Variants in LCK observed in about 807,000 individuals in gnomAD.
LCK encodes the protein tyrosine-protein kinase Lck.
A neutral mutation model predicts 64.6 loss-of-function variants in LCK; 14 were observed. The observed-to-expected ratio is 0.22, with a 90% CI of 0.14 to 0.34. The LOEUF (loss-of-function observed/expected upper bound fraction) is 0.34. LCK is among the 10% of genes least tolerant of loss of function. The pLI is 1.00. For missense variants in LCK, 434 were observed against 668.1 expected (o/e 0.65, Z 3.86); for synonymous variants, 277 against 263.6 (o/e 1.05, Z -0.49).
At chr1:32,271,111 T>C (rs1027726775) in intron 1 of LCK, among the ~76,000 whole-genome samples, 3 of 149,418 alleles carry the variant, frequency 2.0e-5, no homozygotes, top group Non-Finnish European at 4.5e-5. Flanking sequence ...AGTGATCTTT[T>C]TGCCTCAGCC....
chr1:32,281,456 T>A (rs1569972446), intron 12 of LCK, among the ~76,000 whole-genome samples: 1 of 131,916 alleles, frequency 7.6e-6, no homozygotes. Flanking sequence ...AGAGAATTTG[T>A]CTCAAAAAAA....
intron 1 of LCK, among the ~76,000 whole-genome samples, chr1:32,252,974 T>A (rs1639544090): frequency 6.6e-6 from 1 of 152,092 alleles, no homozygotes; most frequent in African/African-American, 2.4e-5. Context: ...AATGTGCATT[T>A]CAGAGACAGG....
At chr1:32,282,762 C>T (rs903826745) in intron 12 of LCK, among the ~76,000 whole-genome samples, 2 of 151,756 alleles carry the variant, frequency 1.3e-5, no homozygotes, top group African/African-American at 4.8e-5. Flanking sequence ...GCCATGATCA[C>T]GCTGTTGCAC....
chr1:32,279,614 G>C (rs569757901), intron 9 of LCK, 57 bp from the exon 10 acceptor site: 2 of 1,613,682 alleles, frequency 1.2e-6, no homozygotes, highest in Admixed American at 1.7e-5. Context: ...GAGGAGAAAG[G>C]TCTGGGGGCC....
rs1640299095 is a variant in LCK, at chr1:32,276,986, C to A, written c.964+200C>A. On this transcript the variant is annotated intron_variant, in intron 9 of 12. Coordinates refer to ENST00000336890, the MANE Select transcript of LCK (RefSeq NM_005356.5). The surrounding 1 kb of genome is among the most constrained non-coding windows in gnomAD (Gnocchi z 4.6). Reference sequence around the variant, plus strand: ...CCAGCACTTTGGGAGCCGAGGCGGGCAGATCACGAGGTCAGGAGTTCGAGA... The same window carrying A: ...CCAGCACTTTGGGAGCCGAGGCGGGAAGATCACGAGGTCAGGAGTTCGAGA... The A allele has an allele frequency of 6.7e-6, 3 of 448,394 alleles. No individual in the cohort carries two copies. The East Asian group carries it at 1.2e-4, about 18-fold the overall frequency. The allele number at this position is 448,394 out of a possible 1,614,324, so 27.8% of individuals were successfully genotyped here. A position where few individuals can be genotyped will look rare whatever the true frequency, so the allele number is the denominator to read the frequency against.
rs72025731 is a variant in LCK at position 32,253,850 on chromosome 1, G to GACACAC, written c.-6+2499_-6+2504dup. Among the ~76,000 whole-genome samples, 270 of 148,658 alleles carry GACACAC rather than the reference G, an allele frequency of 1.8e-3. 1 individual carries two copies. Among genetic ancestry groups the GACACAC allele is most frequent in the East Asian group, 5.0e-3 (25 of 5,038 alleles). On this transcript the variant is annotated intron_variant, in intron 1 of 12. Transcript: ENST00000336890. ...AGGGTCTCTCACGCAGCCACACACAGACACACACACACACACACACACACA... is the reference window on the plus strand; with the variant it reads ...AGGGTCTCTCACGCAGCCACACACAGACACACACACACACACACACACACACACACA...
intron 9 of LCK, among the ~76,000 whole-genome samples, chr1:32,279,217 TG>T (rs1640374646): frequency 6.6e-6 from 1 of 152,100 alleles, no homozygotes. Context: ...GGCTTCCTAG[TG>T]GGGCAGTCTA....
At chr1:32,270,991 C>T (rs184546531) in intron 1 of LCK, among the ~76,000 whole-genome samples, 2,075 of 148,840 alleles carry the variant, frequency 0.014, 19 homozygotes, top group Non-Finnish European at 0.022. Context: ...TGTGAGCCAC[C>T]GCGCCTGGCC....
chr1:32,267,028 G>A (rs943339807), intron 1 of LCK, among the ~76,000 whole-genome samples: 2 of 151,036 alleles, frequency 1.3e-5, no homozygotes, highest in African/African-American at 4.9e-5. Flanking sequence ...CAACCAACTT[G>A]TGGTTTCCTA....
Position 32,275,446 on chromosome 1 carries a change from G to C in LCK, c.377+27G>C, listed in dbSNP as rs1475738170. On this transcript the variant is annotated intron_variant, in intron 5 of 12. Transcript: ENST00000336890. The surrounding 1 kb of genome is among the most constrained non-coding windows in gnomAD (Gnocchi z 6.9). ...TAAGTGGGGACCCGTCGTGGGGGTG[G>C]GTAGGAGCAGATCTAGGGATCCTGG... The C allele has an allele frequency of 6.2e-7, 1 of 1,609,766 alleles. No homozygotes were observed. Among genetic ancestry groups the C allele is most frequent in the East Asian group, 2.2e-5 (1 of 44,826 alleles).
Position 32,275,236 on chromosome 1 carries a change from C to T in LCK, c.279-85C>T, listed in dbSNP as rs1640221816. 6 of 1,511,354 alleles carry T rather than the reference C, an allele frequency of 4.0e-6. No individual in the cohort carries two copies. In the East Asian group the frequency reaches 6.8e-5, roughly 17 times the overall value. The allele number at this position is 1,511,354 out of a possible 1,614,324, so 93.6% of individuals were successfully genotyped here. ...ATTGCTGAGCCAGGGTTGGGGGAGG[C>T]TGGCTTAAGGGGTGGAGGGGTCTTT... On this transcript the variant is annotated intron_variant, in intron 4 of 12. Coordinates refer to ENST00000336890, the MANE Select transcript of LCK (RefSeq NM_005356.5). The surrounding 1 kb of genome is among the most constrained non-coding windows in gnomAD (Gnocchi z 6.9).
rs1457930323 is a variant in LCK at position 32,276,668 on chromosome 1, G to A, written c.846G>A (p.Pro282=). 3 of 1,614,062 alleles carry A rather than the reference G, an allele frequency of 1.9e-6. No homozygotes were observed. Among genetic ancestry groups the A allele is most frequent in the Non-Finnish European group, 2.5e-6 (3 of 1,180,006 alleles). Residue 282 remains proline (P), a synonymous_variant, in exon 9 of 13, where the codon CCG becomes CCA. Coordinates refer to ENST00000336890, the MANE Select transcript of LCK (RefSeq NM_005356.5). The surrounding 1 kb of genome is among the most constrained non-coding windows in gnomAD (Gnocchi z 4.6). ...GCCTGAAGCAGGGCAGCATGTCCCC[G>A]GACGCCTTCCTGGCCGAGGCCAACC... is the stretch of plus-strand genomic sequence containing the variant. The part of the protein sequence containing the change: ...VKSLKQGSMS[P]DAFLAEANLM...
intron 1 of LCK, among the ~76,000 whole-genome samples, chr1:32,268,735 C>T (rs371732322): frequency 6.7e-6 from 1 of 149,716 alleles, no homozygotes; most frequent in Non-Finnish European, 1.5e-5. Context: ...ATCGCTTGAA[C>T]CTGGGAGGCA....
In LCK at chr1:32,276,952, C is replaced by A; in HGVS notation, c.964+166C>A. 1.6e-6 allele frequency: 1 copy of A among 634,020 alleles called. No individual in the cohort carries two copies. Among genetic ancestry groups the A allele is most frequent in the Non-Finnish European group, 2.5e-6 (1 of 399,316 alleles). The allele number at this position is 634,020 out of a possible 1,614,324, so 39.3% of individuals were successfully genotyped here. On this transcript the variant is annotated intron_variant, in intron 9 of 12. Transcript: ENST00000336890. This position sits in a 1 kb window ranked among gnomAD's most constrained non-coding sequence, Gnocchi z 4.6. Reference sequence around the variant, plus strand: ...CTCCAGCCGGGCGCGGTGGCTCAGGCCTGTAATCCCAGCACTTTGGGAGCC... The same window carrying A: ...CTCCAGCCGGGCGCGGTGGCTCAGGACTGTAATCCCAGCACTTTGGGAGCC...
intron 9 of LCK, among the ~76,000 whole-genome samples, chr1:32,278,652 G>A (rs763768043): frequency 2.6e-5 from 4 of 152,106 alleles, no homozygotes; most frequent in Non-Finnish European, 4.4e-5. Context: ...CATGTGTATC[G>A]ACTTTGATTG....
rs1227561682 is a variant in LCK at position 32,259,778 on chromosome 1, C to T, written c.-6+8407C>T. Reference sequence around the variant, plus strand: ...TGAGCTGTGATTTTGCCACTGCACTCCAGTGGCACAAGAGAGCAAGAGAGC... The same window carrying T: ...TGAGCTGTGATTTTGCCACTGCACTTCAGTGGCACAAGAGAGCAAGAGAGC... On this transcript the variant is annotated intron_variant, in intron 1 of 12. Transcript: ENST00000336890. Among the ~76,000 whole-genome samples, 4 of 151,962 alleles carry T rather than the reference C, an allele frequency of 2.6e-5. No homozygotes were observed. The East Asian group carries it at 7.7e-4, about 29-fold the overall frequency.
chr1:32,272,497 A>T (rs1217423820), intron 1 of LCK, among the ~76,000 whole-genome samples: 1 of 151,676 alleles, frequency 6.6e-6, no homozygotes, highest in Admixed American at 6.6e-5. Flanking sequence ...AGGTGGGAAG[A>T]TTGCTTGAGC....
chr1:32,256,977 G>A (rs77848372), intron 1 of LCK, among the ~76,000 whole-genome samples: 205 of 152,254 alleles, frequency 1.3e-3, no homozygotes, highest in African/African-American at 4.5e-3. Context: ...AAGGTAGCCC[G>A]TGGAAGTGCC....
At chr1:32,285,073 C>T (rs1288833145) in intron 12 of LCK, among the ~76,000 whole-genome samples, 6 of 151,868 alleles carry the variant, frequency 4.0e-5, no homozygotes, top group South Asian at 4.2e-4. Context: ...GAGGCTGAGG[C>T]GGGCGGATCA....
Sources: allele counts gnomAD v4.1 joint callset (sites outside exome capture counted in the v4.1 genomes callset), GRCh38; gene constraint gnomAD v4.1.1; non-coding constraint Gnocchi (gnomAD v3.1); transcripts MANE v1.5; gene names NCBI Gene and HGNC (gene_info 2026-07-23, HGNC 2026-07-21).